The following NEK9 variants were observed in gnomAD, a reference collection of about 807,000 sequenced individuals.
NEK9 encodes NIMA related kinase 9, also known as serine/threonine-protein kinase Nek9.
In NEK9, 75 loss-of-function variants were observed where a neutral mutation model predicts 123.4. The observed-to-expected ratio is 0.61, with a 90% CI of 0.50 to 0.74. The LOEUF is 0.74. Ranked by LOEUF, NEK9 falls within the 30% of genes least tolerant of loss-of-function variation. The probability of loss-of-function intolerance (pLI) is 0.00; values close to 1 mark genes in which losing one functional copy is unlikely to be tolerated. For missense variants in NEK9, 952 were observed against 1,214.4 expected (o/e 0.78, Z 3.21); for synonymous variants, 438 against 458.7 (o/e 0.95, Z 0.58).
rs187882145 is a variant in NEK9 at position 75,104,304 on chromosome 14, G to A, written c.1576-307C>T. Among the ~76,000 whole-genome samples the A allele has an allele frequency of 9.4e-5, 14 of 148,592 alleles. No individual in the cohort carries two copies. In the East Asian group the frequency reaches 2.8e-3, roughly 30 times the overall value. ...TCTCAGCCTCCCAAATAGCTGGGAT[G>A]ACAGGTGCATGCCACCACGCCCAGC... On this transcript the variant is annotated intron_variant, in intron 13 of 21. Coordinates refer to ENST00000238616, the MANE Select transcript of NEK9 (RefSeq NM_033116.6).
At chr14:75,124,919 C>A (rs1405372037) in intron 1 of NEK9, among the ~76,000 whole-genome samples, 1 of 148,328 alleles carries the variant, frequency 6.7e-6, no homozygotes, top group Non-Finnish European at 1.5e-5. Context: ...TACAGGCACG[C>A]ACTGCCACAC....
Position 75,097,288 on chromosome 14 carries a change from C to T in NEK9, c.2003-18G>A, listed in dbSNP as rs1368271888. On this transcript the variant is annotated intron_variant, in intron 16 of 21. Transcript: ENST00000238616. ...GTGATTATCTAGGAAAAAAGTTAAACAGTAGACCATTTAACAGAACACTGG... is the reference window on the plus strand; with the variant it reads ...GTGATTATCTAGGAAAAAAGTTAAATAGTAGACCATTTAACAGAACACTGG... 7.6e-6 allele frequency: 12 copies of T among 1,577,446 alleles called. No homozygotes were observed. In the Admixed American group the frequency reaches 9.2e-5, roughly 12 times the overall value.
intron 15 of NEK9, among the ~76,000 whole-genome samples, 166 bp from the exon 16 acceptor site, chr14:75,101,319 T>C (rs1463466876): frequency 6.6e-6 from 1 of 152,208 alleles, no homozygotes; most frequent in Non-Finnish European, 1.5e-5. Context: ...CTAGGCACTA[T>C]AACCAATTAG....
chr14:75,084,779 C>T, intron 21 of NEK9, 93 bp from the exon 22 acceptor site: 1 of 1,541,056 alleles, frequency 6.5e-7, no homozygotes, highest in Non-Finnish European at 8.9e-7. Context: ...ACTTCTAAGG[C>T]ATTGGCTAAG....
Position 75,121,453 on chromosome 14 carries a change from C to G in NEK9, c.398-279G>C, listed in dbSNP as rs571315447. Among the ~76,000 whole-genome samples the G allele has an allele frequency of 4.4e-4, 67 of 152,234 alleles. 1 individual carries two copies. The highest frequency in any genetic ancestry group is 1.7e-3 in the South Asian group (8 of 4,824). On this transcript the variant is annotated intron_variant, in intron 2 of 21. Coordinates refer to ENST00000238616, the MANE Select transcript of NEK9 (RefSeq NM_033116.6). ...TGAGTAAAGACCATTCTTGTTGTTC[C>G]CAACAAGTGAAGTATATTCAAAATC...
At chr14:75,118,732 G>T in intron 5 of NEK9, 98 bp downstream of exon 5, 1 of 739,738 alleles carries the variant, frequency 1.4e-6, no homozygotes, top group Non-Finnish European at 2.3e-6. Flanking sequence ...TGGAGAACTT[G>T]CAAGAATATT....
chr14:75,086,866 A>T (rs1894041235), intron 21 of NEK9, 152 bp downstream of exon 21: 2 of 735,294 alleles, frequency 2.7e-6, no homozygotes, highest in Admixed American at 2.3e-5. Flanking sequence ...AGATAGCACC[A>T]CTGCACTCTG....
rs1479264818 is a variant in NEK9, at chr14:75,084,696, T to A, written c.2818-10A>T. 6.2e-7 allele frequency: 1 copy of A among 1,613,912 alleles called. No homozygotes were observed. Among genetic ancestry groups the A allele is most frequent in the South Asian group, 1.1e-5 (1 of 91,070 alleles). On this transcript the variant is annotated splice_polypyrimidine_tract_variant and intron_variant, in intron 21 of 21. Coordinates refer to ENST00000238616, the MANE Select transcript of NEK9 (RefSeq NM_033116.6). ...TGGAATGCATCCCCACCTGTCCGGA[T>A]AAAACACGGTTCCACATTAGCAACA... is the stretch of plus-strand genomic sequence containing the variant.
intron 8 of NEK9, among the ~76,000 whole-genome samples, chr14:75,110,609 G>C (rs915339981): frequency 1.3e-5 from 2 of 151,920 alleles, no homozygotes; most frequent in African/African-American, 4.8e-5. Flanking sequence ...TTCTGTCTCT[G>C]AGAAATGGTC....
In NEK9 at chr14:75,096,050, G is replaced by A. The variant is rs755034915; in HGVS notation, c.2174-619C>T. On this transcript the variant is annotated intron_variant, in intron 17 of 21. Coordinates refer to ENST00000238616, the MANE Select transcript of NEK9 (RefSeq NM_033116.6). ...TGTAATCTCAGCACTTTGGGAGGCC[G>A]AGGCAGGCAGATCATGAGGTCAGGA... is the stretch of plus-strand genomic sequence containing the variant. Among the ~76,000 whole-genome samples, 103 of 152,190 alleles carry A rather than the reference G, an allele frequency of 6.8e-4. 1 individual carries two copies. The highest frequency in any genetic ancestry group is 9.9e-4 in the African/African-American group (41 of 41,534).
chr14:75,107,577 C>G, intron 10 of NEK9, 90 bp from the exon 11 acceptor site: 1 of 1,158,856 alleles, frequency 8.6e-7, no homozygotes, highest in South Asian at 1.7e-5. Flanking sequence ...CTATGTTGCC[C>G]AAGCTGGTCT....
chr14:75,096,322 T>G (rs1262930508), intron 17 of NEK9, among the ~76,000 whole-genome samples: 3 of 150,004 alleles, frequency 2.0e-5, no homozygotes, highest in African/African-American at 7.4e-5. Context: ...GATTCTAATG[T>G]ATGTGCTGCT....
chr14:75,094,687 G>A (rs950629990), intron 18 of NEK9, among the ~76,000 whole-genome samples: 13 of 152,120 alleles, frequency 8.5e-5, no homozygotes, highest in Non-Finnish European at 1.8e-4. Context: ...GGCTGAGGAA[G>A]GTGAACCACT....
At chr14:75,118,340 C>T (rs1432039833) in intron 5 of NEK9, among the ~76,000 whole-genome samples, 1 of 152,174 alleles carries the variant, frequency 6.6e-6, no homozygotes, top group African/African-American at 2.4e-5. Flanking sequence ...CAACTTATGT[C>T]TACTCTTTAC....
intron 4 of NEK9, 132 bp downstream of exon 4, chr14:75,120,378 C>T (rs1220427483): frequency 1.7e-6 from 1 of 572,570 alleles, no homozygotes; most frequent in Non-Finnish European, 3.2e-6. Flanking sequence ...CATTACTTTC[C>T]TTTCCTAGTG....
intron 2 of NEK9, among the ~76,000 whole-genome samples, chr14:75,121,785 G>A (rs1334136279): frequency 1.3e-5 from 2 of 152,166 alleles, no homozygotes; most frequent in African/African-American, 2.4e-5. Context: ...TGGGAGGATC[G>A]CCTGAGCCTG....
rs955385056 is a variant in NEK9 at position 75,127,012 on chromosome 14, G to A, written c.-91C>T. 5 of 1,114,616 alleles carry A rather than the reference G, an allele frequency of 4.5e-6. No individual in the cohort carries two copies. In the South Asian group the frequency reaches 5.3e-5, roughly 12 times the overall value. The allele number at this position is 1,114,616 out of a possible 1,614,324, so 69.0% of individuals were successfully genotyped here. On this transcript the variant is annotated 5_prime_UTR_variant, in exon 1 of 22. Transcript: ENST00000238616. ...CGCTCGCTTCAGATGCCGGCCCGCG[G>A]ATCCGTCAGCCCAGCAACCCCGCGA...
At chr14:75,109,281 A>C (rs1031199173) in intron 10 of NEK9, among the ~76,000 whole-genome samples, 6 of 152,240 alleles carry the variant, frequency 3.9e-5, no homozygotes, top group Non-Finnish European at 8.8e-5. Context: ...TGTGGGCTTC[A>C]GGGGTTTCCT....
chr14:75,100,918 C>T lies in NEK9; in HGVS notation c.2002+74G>A, dbSNP rs1323981922. On this transcript the variant is annotated intron_variant, in intron 16 of 21. Coordinates refer to ENST00000238616, the MANE Select transcript of NEK9 (RefSeq NM_033116.6). ...CAATTCAGCTATACAAATAACTAGTCCATTTCTTTCCCAGCCAAGAACTGA... is the reference window on the plus strand; with the variant it reads ...CAATTCAGCTATACAAATAACTAGTTCATTTCTTTCCCAGCCAAGAACTGA... 2.1e-5 allele frequency: 30 copies of T among 1,437,272 alleles called. No homozygotes were observed. The South Asian group carries it at 3.6e-4, about 17-fold the overall frequency. The allele number at this position is 1,437,272 out of a possible 1,614,324, so 89.0% of individuals were successfully genotyped here.
Sources: allele counts gnomAD v4.1 joint callset (sites outside exome capture counted in the v4.1 genomes callset), GRCh38; gene constraint gnomAD v4.1.1; transcripts MANE v1.5; gene names NCBI Gene and HGNC (gene_info 2026-07-23, HGNC 2026-07-21).